FRMD4B: variants seen among roughly 807,000 people sequenced by gnomAD.
FRMD4B encodes FERM domain-containing protein 4B.
A neutral mutation model predicts 141.5 loss-of-function variants in FRMD4B; 74 were observed. The ratio of observed to expected loss-of-function variants is 0.52; its 90% CI spans 0.43 to 0.63. FRMD4B has a LOEUF of 0.63. Ranked by LOEUF, FRMD4B falls within the 30% of genes least tolerant of loss-of-function variation. The pLI, the probability that FRMD4B is intolerant of heterozygous loss-of-function variation, is 0.00. For synonymous variants in FRMD4B, 506 were observed against 467.9 expected, an observed-to-expected ratio of 1.08 and a Z score of -1.05; for missense variants, 1,366 against 1,253.4, an observed-to-expected ratio of 1.09 and a Z score of -1.36.
intron 1 of FRMD4B, chr3:69,376,726 G>A (rs1340335995): frequency 6.6e-6 from 1 of 151,962 alleles, no homozygotes; most frequent in Non-Finnish European, 1.5e-5. Context: ...ACATATGGGT[G>A]TTAATTTTAA....
intron 1 of FRMD4B, among the ~76,000 whole-genome samples, chr3:69,516,756 T>C (rs1222535208): frequency 6.6e-6 from 1 of 152,246 alleles, no homozygotes; most frequent in Non-Finnish European, 1.5e-5. Context: ...CATTTAACAC[T>C]ATAGAATCTG....
chr3:69,381,640 T>C (rs1704123043), intron 1 of FRMD4B, among the ~76,000 whole-genome samples: 2 of 152,242 alleles, frequency 1.3e-5, no homozygotes, highest in African/African-American at 4.8e-5. Flanking sequence ...CTCTCTGATT[T>C]AGAATTCACA....
intron 1 of FRMD4B, chr3:69,471,920 T>C (rs1206725342): frequency 6.4e-6 from 1 of 155,136 alleles, no homozygotes; most frequent in Non-Finnish European, 1.5e-5. Context: ...CTCCAAAGAG[T>C]TATTGCCTCT....
chr3:69,351,036 T>C, intron 1 of FRMD4B, among the ~76,000 whole-genome samples: 1 of 151,662 alleles, frequency 6.6e-6, no homozygotes, highest in Non-Finnish European at 1.5e-5. Flanking sequence ...ACAACAGAAG[T>C]GTGCATACCT....
chr3:69,231,485 G>A (rs1042261967), intron 7 of FRMD4B, among the ~76,000 whole-genome samples: 26 of 152,186 alleles, frequency 1.7e-4, no homozygotes, highest in Middle Eastern at 3.4e-3. Context: ...ACGGGGTTTC[G>A]CCATGTTGGC....
intron 2 of FRMD4B, among the ~76,000 whole-genome samples, chr3:69,403,862 TTCTAACCA>T (rs1704608621): frequency 6.6e-6 from 1 of 152,156 alleles, no homozygotes; most frequent in African/African-American, 2.4e-5. Flanking sequence ...GCACATTTTA[TTCTAACCA>T]GAATCAGAGA....
intron 11 of FRMD4B, among the ~76,000 whole-genome samples, chr3:69,206,557 CTGT>C (rs773700048): frequency 4.6e-5 from 7 of 152,256 alleles, no homozygotes; most frequent in Non-Finnish European, 7.4e-5. Context: ...TAATGACATC[CTGT>C]TAAGACTCTC....
At chr3:69,462,769 T>A (rs1286993713) in intron 1 of FRMD4B, among the ~76,000 whole-genome samples, 2 of 152,210 alleles carry the variant, frequency 1.3e-5, no homozygotes. Flanking sequence ...AGTCACCAAC[T>A]GAGGTACTTG....
intron 1 of FRMD4B, among the ~76,000 whole-genome samples, chr3:69,331,193 C>T (rs1702357326): frequency 6.6e-6 from 1 of 152,176 alleles, no homozygotes; most frequent in Non-Finnish European, 1.5e-5. Context: ...CTCAAAAAAG[C>T]GTTGGTGCTT....
At chr3:69,378,818 A>AG (rs1295114229) in intron 1 of FRMD4B, among the ~76,000 whole-genome samples, 1 of 151,768 alleles carries the variant, frequency 6.6e-6, no homozygotes, top group African/African-American at 2.4e-5. Flanking sequence ...AAAAAAAAAA[A>AG]CCAAAAAACC....
At chr3:69,489,073 A>G (rs1413009587) in intron 1 of FRMD4B, among the ~76,000 whole-genome samples, 1 of 151,900 alleles carries the variant, frequency 6.6e-6, no homozygotes, top group Non-Finnish European at 1.5e-5. Context: ...TTGTGCTTCC[A>G]AGGACACTAT....
intron 1 of FRMD4B, among the ~76,000 whole-genome samples, chr3:69,473,802 G>C (rs1035575209): frequency 2.0e-5 from 3 of 152,152 alleles, no homozygotes; most frequent in African/African-American, 7.2e-5. Context: ...AGGGGTTGAA[G>C]AAGTGACCCT....
intron 7 of FRMD4B, among the ~76,000 whole-genome samples, chr3:69,238,798 C>A (rs2093363123): frequency 6.6e-6 from 1 of 152,086 alleles, no homozygotes. Flanking sequence ...ACAACAACAA[C>A]AAAAATGTTC....
chr3:69,223,039 G>A (rs2093212360), intron 8 of FRMD4B, among the ~76,000 whole-genome samples: 1 of 152,170 alleles, frequency 6.6e-6, no homozygotes, highest in South Asian at 2.1e-4. Flanking sequence ...TTCTGAGTCT[G>A]TGTGCAATCT....
At chr3:69,332,739 GCTA>G (rs1160498660) in intron 1 of FRMD4B, among the ~76,000 whole-genome samples, 26 of 137,674 alleles carry the variant, frequency 1.9e-4, no homozygotes, top group African/African-American at 7.0e-4. Context: ...ACCACACCTG[GCTA>G]TTTTTTTTTT....
chr3:69,181,504 G>A lies in FRMD4B; in HGVS notation c.2246C>T (p.Pro749Leu). Residue 749 changes from proline (P) to leucine (L), a missense_variant, in exon 21 of 23, where the codon CCC (proline) becomes CTC (leucine). Pro to Leu is a moderately conservative substitution (Grantham distance 98). Coordinates refer to ENST00000398540, the MANE Select transcript of FRMD4B (RefSeq NM_015123.3). ...EYYCVTPVTG[P>L]YYTTQTLDTR... is the part of the protein sequence containing the mutation. ...GTCCAGGGTCTGGGTGGTGTAATAG[G>A]GGCCGGTAACTGGTGTCACACAGTA... 6.2e-7 allele frequency: 1 copy of A among 1,613,826 alleles called. No homozygotes were observed. The highest frequency in any genetic ancestry group is 8.5e-7 in the Non-Finnish European group (1 of 1,179,786).
intron 3 of FRMD4B, among the ~76,000 whole-genome samples, chr3:69,302,840 A>G (rs1701261641): frequency 6.6e-6 from 1 of 152,222 alleles, no homozygotes; most frequent in African/African-American, 2.4e-5. Flanking sequence ...TGGGAGGCCG[A>G]GGCGGGCAGA....
chr3:69,209,137 C>T (rs1432780840), intron 11 of FRMD4B, among the ~76,000 whole-genome samples: 4 of 149,650 alleles, frequency 2.7e-5, no homozygotes, highest in African/African-American at 9.9e-5. Context: ...GAGCGAGAAT[C>T]CATCTCAAAA....
In FRMD4B at chr3:69,195,325, T is replaced by C. The variant is rs757440195; in HGVS notation, c.1274A>G (p.Glu425Gly). The change falls in exon 15 of 23, where the codon GAA becomes GGA. Residue 425 changes from glutamate (E) to glycine (G), a missense_variant. Coordinates refer to ENST00000398540, the MANE Select transcript of FRMD4B (RefSeq NM_015123.3). ...CTTCTTCTTTAGTTCAAGGATTTTT[T>C]CTCTCTTTTGCTCTTCACTAACTTC... ...DSEVSEEQKREKILELKKKEK... is the reference protein window; with the variant it reads ...DSEVSEEQKRGKILELKKKEK... 4 of 1,613,390 alleles carry C rather than the reference T, an allele frequency of 2.5e-6. No individual in the cohort carries two copies. In the South Asian group the frequency reaches 4.4e-5, roughly 18 times the overall value.
Sources: allele counts gnomAD v4.1 joint callset (sites outside exome capture counted in the v4.1 genomes callset), GRCh38; gene constraint gnomAD v4.1.1; transcripts MANE v1.5; gene names NCBI Gene and HGNC (gene_info 2026-07-23, HGNC 2026-07-21).